WDPCP: variants seen among roughly 807,000 people sequenced by gnomAD.
The protein encoded by WDPCP is WD repeat containing planar cell polarity effector.
WDPCP carries 71 observed loss-of-function variants against 93.1 expected under a neutral mutation model. That is an observed-to-expected ratio of 0.76 (90% CI 0.63 to 0.93). The LOEUF (loss-of-function observed/expected upper bound fraction) is 0.93, where lower values mean the gene tolerates loss of function less well. Ranked by LOEUF, WDPCP falls within the 40% of genes least tolerant of loss-of-function variation. The pLI, the probability that WDPCP is intolerant of heterozygous loss-of-function variation, is 0.00. For synonymous variants in WDPCP, 315 were observed against 315.0 expected (o/e 1.00, Z 0.00); for missense variants, 844 against 887.4 (o/e 0.95, Z 0.62).
chr2:63,504,865 T>C (rs1472056894), intron 1 of WDPCP, among the ~76,000 whole-genome samples: 3 of 152,100 alleles, frequency 2.0e-5, no homozygotes, highest in Non-Finnish European at 4.4e-5. Flanking sequence ...TTAAATTTGA[T>C]ATTTCTTATG....
intron 14 of WDPCP, among the ~76,000 whole-genome samples, chr2:63,252,963 C>A (rs991663675): frequency 1.3e-5 from 2 of 152,102 alleles, no homozygotes; most frequent in African/African-American, 2.4e-5. Context: ...CAAAGCAATC[C>A]TAAGCATGAA....
At chr2:63,786,048 C>CT (rs1349449351) in intron 2 of WDPCP, among the ~76,000 whole-genome samples, 1 of 151,976 alleles carries the variant, frequency 6.6e-6, no homozygotes, top group Admixed American at 6.6e-5. Flanking sequence ...GTTTTTTCTT[C>CT]TTTTTTTCTG....
At chr2:63,721,349 G>A (rs914872360) in intron 2 of WDPCP, among the ~76,000 whole-genome samples, 1 of 152,146 alleles carries the variant, frequency 6.6e-6, no homozygotes, top group Non-Finnish European at 1.5e-5. Context: ...CAACCAGACA[G>A]CAATCTTGTC....
At chr2:63,403,384 C>T (rs988336963) in intron 10 of WDPCP, among the ~76,000 whole-genome samples, 1 of 151,780 alleles carries the variant, frequency 6.6e-6, no homozygotes, top group Non-Finnish European at 1.5e-5. Context: ...ACACGTTTAC[C>T]TATATAACAA....
At chr2:63,324,156 C>T (rs979495563) in intron 12 of WDPCP, among the ~76,000 whole-genome samples, 2 of 152,150 alleles carry the variant, frequency 1.3e-5, no homozygotes, top group African/African-American at 4.8e-5. Context: ...TATCCTGCAG[C>T]TTGACCTTTT....
At chr2:63,829,966 C>A (rs1353081107), upstream of WDPCP, among the ~76,000 whole-genome samples, 1 of 151,918 alleles carries the variant, frequency 6.6e-6, no homozygotes, top group Admixed American at 6.6e-5. Context: ...AATGGATTTT[C>A]TTTTCTTATT....
intron 1 of WDPCP, among the ~76,000 whole-genome samples, chr2:63,534,899 T>C (rs1213914451): frequency 2.0e-5 from 3 of 152,140 alleles, no homozygotes; most frequent in African/African-American, 4.8e-5. Context: ...GGTATTCAAT[T>C]AGGAAAAGAG....
intron 3 of WDPCP, among the ~76,000 whole-genome samples, chr2:63,634,098 A>G (rs891003641): frequency 2.2e-4 from 33 of 152,168 alleles, no homozygotes; most frequent in African/African-American, 7.7e-4. Context: ...TAGCAAACAT[A>G]GACTGCCTGA....
intron 2 of WDPCP, among the ~76,000 whole-genome samples, chr2:63,671,139 G>A (rs1333042682): frequency 6.6e-6 from 1 of 152,070 alleles, no homozygotes; most frequent in African/African-American, 2.4e-5. Context: ...TTCTTCTGCT[G>A]GCATGATTCT....
chr2:63,632,773 GAA>G (rs1491428731), intron 3 of WDPCP, among the ~76,000 whole-genome samples: 1 of 152,144 alleles, frequency 6.6e-6, no homozygotes, highest in Non-Finnish European at 1.5e-5. Flanking sequence ...TGCAGAAGGA[GAA>G]GAGAGAGAGA....
At chr2:63,786,533 C>T (rs1670468858) in intron 2 of WDPCP, among the ~76,000 whole-genome samples, 1 of 152,142 alleles carries the variant, frequency 6.6e-6, no homozygotes, top group Non-Finnish European at 1.5e-5. Flanking sequence ...GTGTTGAGCA[C>T]AGCCTCTCAC....
intron 10 of WDPCP, among the ~76,000 whole-genome samples, chr2:63,383,155 GA>G (rs1055634872): frequency 6.6e-6 from 1 of 151,284 alleles, no homozygotes; most frequent in Non-Finnish European, 1.5e-5. Context: ...GCAACCACAG[GA>G]AAAAAAATAC....
At chr2:63,445,548 T>G (rs769391616) in intron 6 of WDPCP, among the ~76,000 whole-genome samples, 6 of 152,192 alleles carry the variant, frequency 3.9e-5, no homozygotes, top group Non-Finnish European at 7.3e-5. Flanking sequence ...TAGAAAGTAT[T>G]TGACCACAGA....
chr2:63,816,876 C>A (rs571788537), intron 1 of WDPCP, among the ~76,000 whole-genome samples: 1 of 152,146 alleles, frequency 6.6e-6, no homozygotes, highest in African/African-American at 2.4e-5. Context: ...TACACTCAGA[C>A]GTGCACTGTG....
In WDPCP at chr2:63,404,297, T is replaced by G. The variant is rs936904170; in HGVS notation, c.1186A>C (p.Ser396Arg). 6.2e-7 allele frequency: 1 copy of G among 1,614,064 alleles called. No individual in the cohort carries two copies. Among genetic ancestry groups the G allele is most frequent in the African/African-American group, 1.3e-5 (1 of 74,946 alleles). Residue 396 changes from serine to arginine, a missense_variant, in exon 10 of 18, where the codon AGC becomes CGC. Physicochemically the swap from Ser to Arg is moderately radical, Grantham distance 110. Transcript: ENST00000272321. The part of the protein sequence containing the change: ...HPSGAILLVG[S>R]NQGELQIFDM... ...AAAATTTGCAACTCCCCTTGGTTGC[T>G]GCCAACTAGCAGAATGGCACCACTT... is the stretch of plus-strand genomic sequence containing the variant.
chr2:63,299,019 T>G (rs919648452), intron 13 of WDPCP, among the ~76,000 whole-genome samples: 2 of 152,236 alleles, frequency 1.3e-5, no homozygotes, highest in African/African-American at 4.8e-5. Flanking sequence ...CTTGTCTACC[T>G]GTTGATTTCC....
intron 17 of WDPCP, among the ~76,000 whole-genome samples, chr2:63,152,426 G>T (rs1400035426): frequency 6.6e-6 from 1 of 151,728 alleles, no homozygotes; most frequent in Non-Finnish European, 1.5e-5. Context: ...AGGTGCAGCC[G>T]CCACACCTGG....
chr2:63,414,833 C>T (rs1244909835), intron 9 of WDPCP, among the ~76,000 whole-genome samples: 2 of 152,126 alleles, frequency 1.3e-5, no homozygotes, highest in Admixed American at 6.5e-5. Context: ...AAAGAACTTA[C>T]TCATATAACC....
intron 6 of WDPCP, among the ~76,000 whole-genome samples, chr2:63,477,456 A>G (rs1700034940): frequency 6.6e-6 from 1 of 152,152 alleles, no homozygotes; most frequent in Admixed American, 6.6e-5. Context: ...GACAATTTTT[A>G]TCCTCAACAT....
Sources: allele counts gnomAD v4.1 joint callset (sites outside exome capture counted in the v4.1 genomes callset), GRCh38; gene constraint gnomAD v4.1.1; transcripts MANE v1.5; gene names NCBI Gene and HGNC (gene_info 2026-07-23, HGNC 2026-07-21).